The following SLC13A2 variants were observed in gnomAD, a reference collection of about 807,000 sequenced individuals.
SLC13A2 encodes solute carrier family 13 member 2, also known as Na(+)-coupled citrate transporter.
SLC13A2 carries 40 observed loss-of-function variants against 58.5 expected under a neutral mutation model. That is an observed-to-expected ratio of 0.68 (90% CI 0.53 to 0.89). The LOEUF (loss-of-function observed/expected upper bound fraction) is 0.89. SLC13A2 is among the 40% of genes least tolerant of loss of function. The pLI, the probability that SLC13A2 is intolerant of heterozygous loss-of-function variation, is 0.00. For synonymous variants in SLC13A2, 341 were observed against 331.6 expected, an observed-to-expected ratio of 1.03 and a Z score of -0.31; for missense variants, 694 against 772.6, an observed-to-expected ratio of 0.90 and a Z score of 1.21.
Position 28,497,359 on chromosome 17 carries a change from A to G in SLC13A2, c.*90A>G, listed in dbSNP as rs2069167533. On this transcript the variant is annotated 3_prime_UTR_variant, in exon 12 of 12. Coordinates refer to ENST00000314669, the MANE Select transcript of SLC13A2 (RefSeq NM_003984.4). ...GGGACACCCCAAGCTCCAAGCTCCA[A>G]GCTCCAGGCCAAAGGCTGAAAGGCA... The G allele has an allele frequency of 5.5e-6, 8 of 1,453,782 alleles. No homozygotes were observed. Among genetic ancestry groups the G allele is most frequent in the African/African-American group, 1.5e-5 (1 of 66,934 alleles). The allele number at this position is 1,453,782 out of a possible 1,614,324, so 90.1% of individuals were successfully genotyped here.
intron 1 of SLC13A2, among the ~76,000 whole-genome samples, chr17:28,476,865 A>G (rs1405865316): frequency 6.6e-6 from 1 of 152,154 alleles, no homozygotes; most frequent in African/African-American, 2.4e-5. Context: ...TGTTCAAAAA[A>G]TACTTGTTAG....
rs2069101147 is a variant in SLC13A2, at chr17:28,494,502, A to G, written c.1298A>G (p.Lys433Arg). ...LLLGGGYALA[K>R]GSERSGLSEW... is the part of the protein sequence containing the mutation. ...CTGGGTGGTGGCTATGCCCTGGCCA[A>G]GGGCAGTGAGGTGAGAGGCCCCCAG... The change falls in exon 9 of 12, where the codon AAG becomes AGG. Residue 433 changes from lysine (K) to arginine (R), a missense_variant. Coordinates refer to ENST00000314669, the MANE Select transcript of SLC13A2 (RefSeq NM_003984.4). This position sits in a 1 kb window ranked among gnomAD's most constrained non-coding sequence, Gnocchi z 4.0. 3 of 1,613,828 alleles carry G rather than the reference A, an allele frequency of 1.9e-6. No individual in the cohort carries two copies. Among genetic ancestry groups the G allele is most frequent in the Middle Eastern group, 3.3e-4 (2 of 6,082 alleles).
chr17:28,497,333 G>A lies in SLC13A2; in HGVS notation c.*64G>A. 5 of 1,545,482 alleles carry A rather than the reference G, an allele frequency of 3.2e-6. No individual in the cohort carries two copies. Among genetic ancestry groups the A allele is most frequent in the African/African-American group, 1.4e-5 (1 of 73,362 alleles). The stretch of plus-strand genomic sequence containing the variant: ...CCATTCCCACTCCTCTGAGCCCGGA[G>A]GGGACACCCCAAGCTCCAAGCTCCA... On this transcript the variant is annotated 3_prime_UTR_variant, in exon 12 of 12. Transcript: ENST00000314669.
intron 1 of SLC13A2, chr17:28,487,622 G>A: frequency 1.0e-6 from 1 of 977,610 alleles, no homozygotes; most frequent in Non-Finnish European, 1.2e-6. Flanking sequence ...GAGGACACCA[G>A]GGTCCAGGAG....
chr17:28,490,549 C>T lies in SLC13A2; in HGVS notation c.327C>T (p.Ile109=), dbSNP rs782716713. ...AVEHWNLHKR[I]ALRVLLIVGV... ...AACACTGGAACCTGCATAAACGCAT[C>T]GCCCTCCGTGTCCTCCTCATCGTTG... The change falls in exon 3 of 12, where the codon ATC becomes ATT. Residue 109 remains isoleucine, a synonymous_variant. Coordinates refer to ENST00000314669, the MANE Select transcript of SLC13A2 (RefSeq NM_003984.4). 2.7e-5 allele frequency: 43 copies of T among 1,611,984 alleles called. No homozygotes were observed. The highest frequency in any genetic ancestry group is 3.3e-5 in the South Asian group (3 of 90,922).
At chr17:28,489,524 G>T (rs2068959758) in intron 2 of SLC13A2, among the ~76,000 whole-genome samples, 182 bp downstream of exon 2, 1 of 152,200 alleles carries the variant, frequency 6.6e-6, no homozygotes, top group South Asian at 2.1e-4. Context: ...GAGGGGTGCA[G>T]AATTAGTGCT....
chr17:28,495,380 G>T (rs2069119204), intron 9 of SLC13A2, among the ~76,000 whole-genome samples: 1 of 152,180 alleles, frequency 6.6e-6, no homozygotes, highest in African/African-American at 2.4e-5. Flanking sequence ...TGCGGTCAAA[G>T]ATTTTTGCTC....
At chr17:28,478,136 G>A (rs2068724193) in intron 1 of SLC13A2, among the ~76,000 whole-genome samples, 1 of 152,216 alleles carries the variant, frequency 6.6e-6, no homozygotes, top group South Asian at 2.1e-4. Context: ...TAAACTGAGG[G>A]CCAGTGTGGG....
chr17:28,473,838 C>A, intron 1 of SLC13A2, 24 bp downstream of exon 1: 1 of 1,598,404 alleles, frequency 6.3e-7, no homozygotes, highest in Non-Finnish European at 8.6e-7. Flanking sequence ...GTTCTGAGCA[C>A]AGATAACTCC....
chr17:28,485,392 T>C (rs2068860572), intron 1 of SLC13A2, among the ~76,000 whole-genome samples: 1 of 152,146 alleles, frequency 6.6e-6, no homozygotes, highest in African/African-American at 2.4e-5. Flanking sequence ...CTAGGTTCCA[T>C]AGAGCTGGGT....
chr17:28,496,370 A>T lies in SLC13A2; in HGVS notation c.1471-80A>T. 1 of 1,500,494 alleles carries T rather than the reference A, an allele frequency of 6.7e-7. No individual in the cohort carries two copies. The allele number at this position is 1,500,494 out of a possible 1,614,324, so 92.9% of individuals were successfully genotyped here. Reference sequence around the variant, plus strand: ...AGGGTACAGGGGTTGTTCCCCAGAGAAGCAGGAGAATTGGGGGCCATGCCC... The same window carrying T: ...AGGGTACAGGGGTTGTTCCCCAGAGTAGCAGGAGAATTGGGGGCCATGCCC... On this transcript the variant is annotated intron_variant, in intron 10 of 11. Coordinates refer to ENST00000314669, the MANE Select transcript of SLC13A2 (RefSeq NM_003984.4). The surrounding 1 kb of genome is among the most constrained non-coding windows in gnomAD (Gnocchi z 4.2).
intron 6 of SLC13A2, 94 bp downstream of exon 6, chr17:28,491,946 C>G (rs1186075114): frequency 1.3e-6 from 2 of 1,504,430 alleles, no homozygotes; most frequent in Non-Finnish European, 1.8e-6. Context: ...ATATTATCAC[C>G]ATCCCAATGA....
In SLC13A2 at chr17:28,496,328, T is replaced by G; in HGVS notation, c.1471-122T>G. 2 of 1,312,490 alleles carry G rather than the reference T, an allele frequency of 1.5e-6. No individual in the cohort carries two copies. Among genetic ancestry groups the G allele is most frequent in the Non-Finnish European group, 2.0e-6 (2 of 981,726 alleles). 81.3% of individuals were successfully genotyped at this position (1,312,490 alleles called of 1,614,324 possible). A position where few individuals can be genotyped will look rare whatever the true frequency, so the allele number is the denominator to read the frequency against. On this transcript the variant is annotated intron_variant, in intron 10 of 11. Transcript: ENST00000314669. This position sits in a 1 kb window ranked among gnomAD's most constrained non-coding sequence, Gnocchi z 4.2. ...CCTTCTGGGAGAAGAGGTGGGCTCA[T>G]GACCAGAGAGTGTATTAGGGTACAG...
intron 4 of SLC13A2, 133 bp from the exon 5 acceptor site, chr17:28,491,304 A>G (rs1173046266): frequency 2.3e-5 from 22 of 968,098 alleles, no homozygotes; most frequent in Non-Finnish European, 3.4e-5. Flanking sequence ...GCCTGGAGAC[A>G]TCCTCTGTCC....
chr17:28,476,226 TCGGATC>T lies in SLC13A2; in HGVS notation c.102+2414_102+2419del, dbSNP rs554335669. 5.9e-5 allele frequency among the ~76,000 whole-genome samples: 9 copies of T among 152,200 alleles called. No homozygotes were observed. The East Asian group carries it at 1.5e-3, about 26-fold the overall frequency. ...CTCTGAATGGAGTCACTCCCCGCCC[TCGGATC>T]CACTGTCTCCCCGGTCATTTCCCAT... On this transcript the variant is annotated intron_variant, in intron 1 of 11. Transcript: ENST00000314669.
chr17:28,480,153 C>CAAAA (rs782701132), intron 1 of SLC13A2, among the ~76,000 whole-genome samples: 4 of 125,420 alleles, frequency 3.2e-5, no homozygotes, highest in Admixed American at 1.6e-4. Context: ...GACTCTGTCT[C>CAAAA]AAAAAAAAAA....
At chr17:28,493,155 A>C (rs1285361157) in intron 6 of SLC13A2, among the ~76,000 whole-genome samples, 1 of 152,200 alleles carries the variant, frequency 6.6e-6, no homozygotes, top group Non-Finnish European at 1.5e-5. Flanking sequence ...TGTGCCTCTG[A>C]GGACAATGCA....
chr17:28,491,329 G>A (rs2069014222), intron 4 of SLC13A2, 108 bp from the exon 5 acceptor site: 5 of 1,237,204 alleles, frequency 4.0e-6, no homozygotes, highest in African/African-American at 1.5e-5. Flanking sequence ...TCCAGCCCCG[G>A]TCTGGGCTGT....
chr17:28,493,995 C>G, intron 7 of SLC13A2, 22 bp from the exon 8 acceptor site: 1 of 1,611,226 alleles, frequency 6.2e-7, no homozygotes, highest in Non-Finnish European at 8.5e-7. Flanking sequence ...CCCAGCCCTC[C>G]CCGCGCCCCC....
Sources: gnomAD v4.1 joint callset for allele counts (sites outside exome capture counted in the v4.1 genomes callset) on GRCh38, gnomAD v4.1.1 for gene constraint, Gnocchi (gnomAD v3.1) non-coding constraint, MANE v1.5 for transcripts, NCBI Gene and HGNC (gene_info 2026-07-23, HGNC 2026-07-21) for gene names.